MLLT10: variants seen among roughly 807,000 people sequenced by gnomAD.
MLLT10 encodes the protein protein AF-10.
Under a neutral mutation model 129.1 loss-of-function variants are expected in MLLT10, and 30 were observed. The observed-to-expected ratio is 0.23, with a 90% CI of 0.17 to 0.32. MLLT10 has a LOEUF of 0.32. MLLT10 is among the 10% of genes least tolerant of loss of function. The pLI is 1.00. For missense variants in MLLT10, 1,119 were observed against 1,268.3 expected, an observed-to-expected ratio of 0.88 and a Z score of 1.79; for synonymous variants, 490 against 446.4, an observed-to-expected ratio of 1.10 and a Z score of -1.23.
intron 14 of MLLT10, among the ~76,000 whole-genome samples, chr10:21,719,344 G>T (rs2056973148): frequency 6.6e-6 from 1 of 152,084 alleles, no homozygotes; most frequent in African/African-American, 2.4e-5. Flanking sequence ...ATAATTTTAA[G>T]GGAATTACCT....
intron 8 of MLLT10, among the ~76,000 whole-genome samples, chr10:21,646,653 A>G (rs2048507150): frequency 6.6e-6 from 1 of 152,074 alleles, no homozygotes; most frequent in Admixed American, 6.5e-5. Flanking sequence ...TACAGTTCTG[A>G]TTTTGTATTG....
chr10:21,742,518 A>G lies in MLLT10; in HGVS notation c.*535A>G, dbSNP rs1363026989. 3 of 214,932 alleles carry G rather than the reference A, an allele frequency of 1.4e-5. No individual in the cohort carries two copies. In the Admixed American group the frequency reaches 1.8e-4, roughly 13 times the overall value. The allele number at this position is 214,932 out of a possible 1,614,324, so 13.3% of individuals were successfully genotyped here. On this transcript the variant is annotated 3_prime_UTR_variant, in exon 23 of 23. Transcript: ENST00000307729. ...ATAGCACATCACCTGGGACTTGGCAATCTTTGTTAAAAAAAAATTTCCTTT... is the reference window on the plus strand; with the variant it reads ...ATAGCACATCACCTGGGACTTGGCAGTCTTTGTTAAAAAAAAATTTCCTTT...
chr10:21,545,868 T>C (rs1210092602), intron 3 of MLLT10, among the ~76,000 whole-genome samples: 1 of 152,124 alleles, frequency 6.6e-6, no homozygotes. Flanking sequence ...GGTCTTGTTA[T>C]GTTGCCCAGG....
chr10:21,563,492 C>T (rs2039123598), intron 3 of MLLT10, among the ~76,000 whole-genome samples: 1 of 152,048 alleles, frequency 6.6e-6, no homozygotes, highest in African/African-American at 2.4e-5. Flanking sequence ...CGCTGTACTC[C>T]ACCCTGGGCG....
intron 11 of MLLT10, 124 bp from the exon 12 acceptor site, chr10:21,681,208 C>G: frequency 1.7e-6 from 2 of 1,202,954 alleles, no homozygotes; most frequent in Non-Finnish European, 2.4e-6. Context: ...TTTTGAAGTT[C>G]TAGGTGGCCT....
At chr10:21,566,579 T>A in intron 3 of MLLT10, among the ~76,000 whole-genome samples, 1 of 150,992 alleles carries the variant, frequency 6.6e-6, no homozygotes, top group East Asian at 2.0e-4. Context: ...GCACCTACCT[T>A]GGCCTCCCAA....
chr10:21,633,400 C>T (rs2047179057), intron 8 of MLLT10, among the ~76,000 whole-genome samples: 1 of 152,100 alleles, frequency 6.6e-6, no homozygotes, highest in South Asian at 2.1e-4. Flanking sequence ...AGTGTATTCC[C>T]AGTTTTGGTT....
chr10:21,648,737 A>G (rs1291161088), intron 8 of MLLT10, among the ~76,000 whole-genome samples: 1 of 152,194 alleles, frequency 6.6e-6, no homozygotes, highest in South Asian at 2.1e-4. Context: ...GGGTAATTTT[A>G]TAGAAAAAGA....
intron 8 of MLLT10, among the ~76,000 whole-genome samples, chr10:21,639,434 A>G (rs2047772652): frequency 1.3e-5 from 2 of 152,202 alleles, no homozygotes; most frequent in Non-Finnish European, 2.9e-5. Context: ...CTTGGGTTGG[A>G]TTAGTTTGCT....
At chr10:21,560,532 G>T (rs1322794536) in intron 3 of MLLT10, among the ~76,000 whole-genome samples, 1 of 152,014 alleles carries the variant, frequency 6.6e-6, no homozygotes, top group Non-Finnish European at 1.5e-5. Context: ...AACCTCCTGG[G>T]ATCAGGCAGT....
At chr10:21,681,230 C>A in intron 11 of MLLT10, 102 bp from the exon 12 acceptor site, 1 of 1,487,334 alleles carries the variant, frequency 6.7e-7, no homozygotes, top group Non-Finnish European at 9.3e-7. Flanking sequence ...CTTAACTACA[C>A]TTTTAGGTGA....
intron 8 of MLLT10, among the ~76,000 whole-genome samples, chr10:21,618,849 C>T (rs1159744624): frequency 6.6e-6 from 1 of 152,008 alleles, no homozygotes; most frequent in East Asian, 2.0e-4. Flanking sequence ...TGTCGTGCCT[C>T]AGCCTACCTA....
intron 5 of MLLT10, among the ~76,000 whole-genome samples, chr10:21,609,513 G>A (rs372224073): frequency 2.6e-5 from 4 of 152,222 alleles, no homozygotes; most frequent in South Asian, 2.1e-4. Context: ...TTTTAGGTTC[G>A]TCACAAATCC....
At chr10:21,549,671 T>TTC (rs2130941393) in intron 3 of MLLT10, among the ~76,000 whole-genome samples, 1 of 150,586 alleles carries the variant, frequency 6.6e-6, no homozygotes, top group Admixed American at 6.6e-5. Flanking sequence ...TTTTTTTTTT[T>TTC]TTTTTTTTGA....
At position 21,595,692 on chromosome 10, in the gene MLLT10, A is replaced by C. The variant is rs1311496584; in HGVS notation, c.405+252A>C. 4 of 336,384 alleles carry C rather than the reference A, an allele frequency of 1.2e-5. No homozygotes were observed. In the East Asian group the frequency reaches 1.8e-4, roughly 15 times the overall value. The allele number at this position is 336,384 out of a possible 1,614,324, so 20.8% of individuals were successfully genotyped here. A position where few individuals can be genotyped will look rare whatever the true frequency, so the allele number is the denominator to read the frequency against. On this transcript the variant is annotated intron_variant, in intron 5 of 22. Coordinates refer to ENST00000307729, the MANE Select transcript of MLLT10 (RefSeq NM_001195626.3). ...TATTCTACGATATACAGGATATTTT[A>C]ATCCTTACAGATTGGTGCTTTATGA...
In MLLT10 at chr10:21,691,719, A is replaced by G. The variant is rs78340507; in HGVS notation, c.1699+9462A>G. ...CAAAATTTAAAAAGAAAGAAATTTT[A>G]TATATTCAGCTATATTTTATAATAG... is the stretch of plus-strand genomic sequence containing the variant. On this transcript the variant is annotated intron_variant, in intron 13 of 22. Transcript: ENST00000307729. Among the ~76,000 whole-genome samples, 526 of 152,282 alleles carry G rather than the reference A, an allele frequency of 3.5e-3. 17 individuals carry two copies. In the South Asian group the frequency reaches 0.037, roughly 11 times the overall value.
chr10:21,580,282 T>C (rs1448738977), intron 3 of MLLT10, among the ~76,000 whole-genome samples: 3 of 152,264 alleles, frequency 2.0e-5, no homozygotes, highest in East Asian at 1.9e-4. Context: ...GTGACATTTT[T>C]CCGTAAAACT....
In MLLT10 at chr10:21,733,531, G is replaced by C. The variant is rs371609741; in HGVS notation, c.2435G>C (p.Ser812Thr). ...TAPTTDSLNS[S>T]KSPHIGNSFL... ...CCTACTACTGATTCCTTGAACAGCAGTAAGAGCCCTCATATAGGAAACAGC... is the reference window on the plus strand; with the variant it reads ...CCTACTACTGATTCCTTGAACAGCACTAAGAGCCCTCATATAGGAAACAGC... The change falls in exon 19 of 23, where the codon AGT (serine) becomes ACT (threonine). Residue 812 changes from serine (S) to threonine (T), a missense_variant. Physicochemically the swap from Ser to Thr is moderately conservative, Grantham distance 58. Coordinates refer to ENST00000307729, the MANE Select transcript of MLLT10 (RefSeq NM_001195626.3). 97 of 1,570,782 alleles carry C rather than the reference G, an allele frequency of 6.2e-5. No homozygotes were observed. Among genetic ancestry groups the C allele is most frequent in the Non-Finnish European group, 8.1e-5 (94 of 1,164,230 alleles).
chr10:21,681,452 C>A, intron 12 of MLLT10, 76 bp downstream of exon 12: 3 of 971,990 alleles, frequency 3.1e-6, no homozygotes, highest in Non-Finnish European at 3.1e-6. Context: ...TATGCCACCT[C>A]GGAACCTCTA....
Sources: gnomAD v4.1 joint callset for allele counts (sites outside exome capture counted in the v4.1 genomes callset) on GRCh38, gnomAD v4.1.1 for gene constraint, MANE v1.5 for transcripts, NCBI Gene and HGNC (gene_info 2026-07-23, HGNC 2026-07-21) for gene names.